Variants in DAB1 observed in about 807,000 individuals in gnomAD.
DAB1 encodes DAB adaptor protein 1, also known as disabled homolog 1.
In DAB1, 15 loss-of-function variants were observed where a neutral mutation model predicts 64.6. The ratio of observed to expected loss-of-function variants is 0.23; its 90% CI spans 0.16 to 0.36. The LOEUF is 0.36. Ranked by LOEUF, DAB1 falls within the 10% of genes least tolerant of loss-of-function variation. DAB1 has a pLI of 1.00. For missense variants in DAB1, 596 were observed against 706.7 expected (o/e 0.84, Z 1.78); for synonymous variants, 235 against 251.9 (o/e 0.93, Z 0.64).
intron 2 of DAB1, among the ~76,000 whole-genome samples, chr1:57,234,642 G>T (rs1234181358): frequency 6.6e-6 from 1 of 152,136 alleles, no homozygotes; most frequent in South Asian, 2.1e-4. Context: ...TCATAGCTCT[G>T]TAGGTCAAAA....
intron 5 of DAB1, among the ~76,000 whole-genome samples, chr1:58,000,004 G>A (rs1646482334): frequency 1.3e-5 from 2 of 151,518 alleles, no homozygotes; most frequent in Non-Finnish European, 1.5e-5. Context: ...AAGAAAGAAA[G>A]GGAGGAAGAG....
chr1:58,113,278 T>G (rs1652092698), intron 5 of DAB1, among the ~76,000 whole-genome samples: 3 of 152,022 alleles, frequency 2.0e-5, no homozygotes, highest in Admixed American at 2.0e-4. Flanking sequence ...GAGCTGTTGA[T>G]TGGTTGGAGG....
chr1:58,009,841 G>C (rs561661536), intron 5 of DAB1, among the ~76,000 whole-genome samples: 5 of 152,246 alleles, frequency 3.3e-5, no homozygotes, highest in African/African-American at 1.2e-4. Flanking sequence ...CCTTATGTCT[G>C]ATAATGATGA....
chr1:57,220,697 A>G (rs1171916776), intron 2 of DAB1, among the ~76,000 whole-genome samples: 1 of 152,216 alleles, frequency 6.6e-6, no homozygotes, highest in Admixed American at 6.5e-5. Flanking sequence ...CAAAACCACA[A>G]TGAGATACCA....
At chr1:58,324,589 T>A (rs1201641588) in intron 4 of DAB1, among the ~76,000 whole-genome samples, 4 of 152,216 alleles carry the variant, frequency 2.6e-5, no homozygotes, top group Admixed American at 2.6e-4. Context: ...AGCCATTTTC[T>A]GGCCTCTTAA....
intron 9 of DAB1, among the ~76,000 whole-genome samples, chr1:57,048,266 C>T (rs546024346): frequency 4.6e-5 from 7 of 152,344 alleles, no homozygotes; most frequent in Middle Eastern, 3.4e-3. Flanking sequence ...AGTCCCTACT[C>T]TATATCAAAG....
chr1:58,519,638 A>G (rs1646229458), intron 2 of DAB1, among the ~76,000 whole-genome samples: 1 of 152,220 alleles, frequency 6.6e-6, no homozygotes, highest in African/African-American at 2.4e-5. Flanking sequence ...CCAGCATTCA[A>G]TCAAAAATAA....
intron 6 of DAB1, among the ~76,000 whole-genome samples, chr1:57,682,383 G>A (rs939384542): frequency 2.0e-5 from 3 of 148,256 alleles, no homozygotes; most frequent in Non-Finnish European, 4.5e-5. Context: ...AGACAAGATG[G>A]CCTACTAGAT....
At chr1:57,049,679 C>T (rs1037242551) in intron 9 of DAB1, among the ~76,000 whole-genome samples, 5 of 152,070 alleles carry the variant, frequency 3.3e-5, no homozygotes, top group Admixed American at 6.6e-5. Context: ...CCCTAGGCTA[C>T]ACCCACAGCA....
intron 2 of DAB1, among the ~76,000 whole-genome samples, chr1:57,188,956 C>T (rs1663865162): frequency 1.3e-5 from 2 of 152,102 alleles, no homozygotes; most frequent in Admixed American, 1.3e-4. Flanking sequence ...AAATCAGCAA[C>T]AGAATCTCAA....
At chr1:57,196,096 A>G (rs2100238541) in intron 2 of DAB1, among the ~76,000 whole-genome samples, 1 of 152,262 alleles carries the variant, frequency 6.6e-6, no homozygotes, top group South Asian at 2.1e-4. Flanking sequence ...AATGTTTTGG[A>G]AGTGATGGAT....
intron 3 of DAB1, among the ~76,000 whole-genome samples, chr1:58,462,113 CTTTTTTTTTTTTT>C (rs1168740907): frequency 3.7e-5 from 2 of 54,260 alleles, no homozygotes; most frequent in East Asian, 6.1e-4. Flanking sequence ...GAGAAGGTTT[CTTTTTTTTTTTTT>C]TTTTTTTTTT....
chr1:57,233,635 T>C (rs533151609), intron 2 of DAB1, among the ~76,000 whole-genome samples: 12 of 151,656 alleles, frequency 7.9e-5, no homozygotes, highest in Admixed American at 2.0e-4. Flanking sequence ...GGCGGGCACC[T>C]GTAATCCCAG....
At chr1:57,763,882 A>G (rs1329970132) in intron 6 of DAB1, among the ~76,000 whole-genome samples, 1 of 152,126 alleles carries the variant, frequency 6.6e-6, no homozygotes, top group African/African-American at 2.4e-5. Flanking sequence ...TCCTGAGTGA[A>G]GAGAACCTCT....
At chr1:57,686,990 A>G (rs1209572169) in intron 6 of DAB1, among the ~76,000 whole-genome samples, 1 of 152,208 alleles carries the variant, frequency 6.6e-6, no homozygotes, top group African/African-American at 2.4e-5. Context: ...GGGATGAGAC[A>G]GTGATGCCCA....
chr1:57,885,482 G>A (rs146473339), upstream of DAB1, among the ~76,000 whole-genome samples: 3 of 152,066 alleles, frequency 2.0e-5, no homozygotes, highest in Non-Finnish European at 2.9e-5. Flanking sequence ...AAACCTGAGG[G>A]GTGTATGTGT....
upstream of DAB1, among the ~76,000 whole-genome samples, chr1:57,425,333 A>G (rs1004235139): frequency 6.6e-6 from 1 of 151,944 alleles, no homozygotes; most frequent in African/African-American, 2.4e-5. Flanking sequence ...AATGTGATGG[A>G]TTTGTGCTTT....
intron 1 of DAB1, among the ~76,000 whole-genome samples, chr1:57,411,218 A>C (rs2101058282): frequency 6.6e-6 from 1 of 152,318 alleles, no homozygotes; most frequent in East Asian, 1.9e-4. Context: ...TGACTATATT[A>C]TTGACATAGT....
intron 2 of DAB1, among the ~76,000 whole-genome samples, chr1:57,287,263 T>C (rs1672392167): frequency 6.6e-6 from 1 of 152,104 alleles, no homozygotes; most frequent in African/African-American, 2.4e-5. Context: ...TTTGTAAAGA[T>C]GGGGTTTCAC....
Sources: gnomAD v4.1 joint callset for allele counts (sites outside exome capture counted in the v4.1 genomes callset) on GRCh38, gnomAD v4.1.1 for gene constraint, MANE v1.5 for transcripts, NCBI Gene and HGNC (gene_info 2026-07-23, HGNC 2026-07-21) for gene names.